ARHGAP44: variants seen among roughly 807,000 people sequenced by gnomAD.
ARHGAP44 encodes Rho GTPase activating protein 44.
In ARHGAP44, 43 loss-of-function variants were observed where a neutral mutation model predicts 106.8. That is an observed-to-expected ratio of 0.40 (90% CI 0.32 to 0.52). ARHGAP44 has a LOEUF of 0.52. Among genes scored for constraint, ARHGAP44 ranks in the 20% least tolerant of loss-of-function variants. The pLI is 0.48. For synonymous variants in ARHGAP44, 439 were observed against 410.3 expected (o/e 1.07, Z -0.85); for missense variants, 866 against 1,050.5 (o/e 0.82, Z 2.43).
chr17:12,877,149 G>C lies in ARHGAP44; in HGVS notation c.54-17791G>C, dbSNP rs532477149. On this transcript the variant is annotated intron_variant, in intron 1 of 20. Coordinates refer to ENST00000379672, the MANE Select transcript of ARHGAP44 (RefSeq NM_014859.6). ...GCTGAAAAAGCAGCAAATGCAGCAG[G>C]AAAACAGTTCTGAAAGAAGAAATTT... Among the ~76,000 whole-genome samples the C allele has an allele frequency of 1.1e-3, 172 of 152,302 alleles. 2 individuals carry two copies. Among genetic ancestry groups the C allele is most frequent in the African/African-American group, 2.8e-3 (118 of 41,566 alleles).
intron 3 of ARHGAP44, among the ~76,000 whole-genome samples, chr17:12,901,343 G>A (rs1488642481): frequency 2.6e-5 from 4 of 152,170 alleles, no homozygotes; most frequent in African/African-American, 7.2e-5. Context: ...GGAGGACATG[G>A]TGAGGGTTTG....
chr17:12,947,811 C>T (rs770178080), intron 10 of ARHGAP44, among the ~76,000 whole-genome samples: 36 of 152,300 alleles, frequency 2.4e-4, no homozygotes, highest in Admixed American at 9.8e-4. Flanking sequence ...CTGTCTTTGT[C>T]GTAGCAGCCT....
At chr17:12,816,530 AC>A (rs1680990077) in intron 1 of ARHGAP44, among the ~76,000 whole-genome samples, 1 of 152,214 alleles carries the variant, frequency 6.6e-6, no homozygotes, top group Non-Finnish European at 1.5e-5. Flanking sequence ...GTTTATGTAA[AC>A]TAAAAAATTA....
chr17:12,977,679 TCAGCTGCA>T (rs979199793), intron 18 of ARHGAP44, among the ~76,000 whole-genome samples: 33 of 152,190 alleles, frequency 2.2e-4, no homozygotes, highest in African/African-American at 7.0e-4. Context: ...CCCCACTGGG[TCAGCTGCA>T]CCTATGCTGG....
rs187666215 is a variant in ARHGAP44 at position 12,873,418 on chromosome 17, A to T, written c.54-21522A>T. Among the ~76,000 whole-genome samples, 578 of 152,328 alleles carry T rather than the reference A, an allele frequency of 3.8e-3. 2 individuals are homozygous for T. The highest frequency in any genetic ancestry group is 7.1e-3 in the Non-Finnish European group (480 of 68,028). ...TTAGGTTTATATACAGCTTAGTGTT[A>T]TATGAAGAGCTTTAGGGAGAAGTCA... On this transcript the variant is annotated intron_variant, in intron 1 of 20. Transcript: ENST00000379672.
chr17:12,796,706 C>T (rs1002065826), intron 1 of ARHGAP44, among the ~76,000 whole-genome samples: 1 of 151,956 alleles, frequency 6.6e-6, no homozygotes, highest in Non-Finnish European at 1.5e-5. Context: ...ATGCCATTCT[C>T]CTGCCTCAGC....
intron 16 of ARHGAP44, among the ~76,000 whole-genome samples, chr17:12,964,661 A>G (rs1400448743): frequency 6.6e-6 from 1 of 152,088 alleles, no homozygotes; most frequent in African/African-American, 2.4e-5. Context: ...GCAGACGCCT[A>G]TAATCCCAGT....
intron 1 of ARHGAP44, among the ~76,000 whole-genome samples, chr17:12,811,646 G>T (rs963806783): frequency 2.0e-5 from 3 of 152,280 alleles, no homozygotes; most frequent in South Asian, 2.1e-4. Flanking sequence ...TTCTTTCCTT[G>T]TTGGGTCTGT....
intron 1 of ARHGAP44, among the ~76,000 whole-genome samples, chr17:12,882,391 A>G (rs1157647577): frequency 6.6e-6 from 1 of 152,164 alleles, no homozygotes; most frequent in African/African-American, 2.4e-5. Flanking sequence ...GTGAACAAAC[A>G]TATAATCTTC....
In ARHGAP44 at chr17:12,981,284, C is replaced by T. The variant is rs961313196; in HGVS notation, c.1939+1051C>T. On this transcript the variant is annotated intron_variant, in intron 19 of 20. Coordinates refer to ENST00000379672, the MANE Select transcript of ARHGAP44 (RefSeq NM_014859.6). ...ACAGGTGGCCCAGCGGAAACGACATCGTGAAGGTTGAATAGGAGTTGGGCC... is the reference window on the plus strand; with the variant it reads ...ACAGGTGGCCCAGCGGAAACGACATTGTGAAGGTTGAATAGGAGTTGGGCC... Among the ~76,000 whole-genome samples, 6 of 152,214 alleles carry T rather than the reference C, an allele frequency of 3.9e-5. No individual in the cohort carries two copies. The East Asian group carries it at 7.7e-4, about 20-fold the overall frequency.
chr17:12,924,995 G>A (rs2038191040), intron 6 of ARHGAP44, among the ~76,000 whole-genome samples: 1 of 152,110 alleles, frequency 6.6e-6, no homozygotes, highest in African/African-American at 2.4e-5. Flanking sequence ...TTAAGAAGTG[G>A]AATTCTGGAG....
At chr17:12,924,517 T>TA (rs1012637663) in intron 6 of ARHGAP44, among the ~76,000 whole-genome samples, 2 of 152,164 alleles carry the variant, frequency 1.3e-5, no homozygotes, top group African/African-American at 4.8e-5. Context: ...CTGGGACACA[T>TA]ACACATTCCA....
chr17:12,964,891 CCT>C (rs1366439131), intron 16 of ARHGAP44, among the ~76,000 whole-genome samples: 1 of 152,198 alleles, frequency 6.6e-6, no homozygotes, highest in African/African-American at 2.4e-5. Flanking sequence ...CCCCTTCTCT[CCT>C]CTCTGTCTCC....
At chr17:12,867,128 A>G (rs1429702649) in intron 1 of ARHGAP44, among the ~76,000 whole-genome samples, 1 of 151,276 alleles carries the variant, frequency 6.6e-6, no homozygotes, top group Non-Finnish European at 1.5e-5. Flanking sequence ...GAGATCTAGT[A>G]TGTTCACCTG....
At position 12,935,106 on chromosome 17, in the gene ARHGAP44, G is replaced by A. The variant is rs369046823; in HGVS notation, c.583-5950G>A. On this transcript the variant is annotated intron_variant, in intron 7 of 20. Coordinates refer to ENST00000379672, the MANE Select transcript of ARHGAP44 (RefSeq NM_014859.6). Reference sequence around the variant, plus strand: ...GAGAAGATTCTATCAGAATAGGCAGGAGGGGCAGGAAAGAGATGCTTACCA... The same window carrying A: ...GAGAAGATTCTATCAGAATAGGCAGAAGGGGCAGGAAAGAGATGCTTACCA... 3.8e-4 allele frequency among the ~76,000 whole-genome samples: 58 copies of A among 152,298 alleles called. 1 individual carries two copies. Among genetic ancestry groups the A allele is most frequent in the African/African-American group, 1.4e-3 (57 of 41,564 alleles).
chr17:12,915,811 A>G, intron 4 of ARHGAP44, 89 bp from the exon 5 acceptor site: 2 of 1,146,174 alleles, frequency 1.7e-6, no homozygotes, highest in Non-Finnish European at 2.5e-6. Context: ...GTGAAAGTTT[A>G]CAAGTGAGCC....
chr17:12,955,910 G>T lies in ARHGAP44; in HGVS notation c.1180G>T (p.Val394Leu). 1 of 1,613,530 alleles carries T rather than the reference G, an allele frequency of 6.2e-7. No homozygotes were observed. The highest frequency in any genetic ancestry group is 1.1e-5 in the South Asian group (1 of 91,036). The change falls in exon 14 of 21, where the codon GTA (valine) becomes TTA (leucine). Residue 394 changes from valine to leucine, a missense_variant. This residue lies in a region of ARHGAP44 where 448 missense variants were observed against 646.9 expected (regional missense o/e 0.69). Coordinates refer to ENST00000379672, the MANE Select transcript of ARHGAP44 (RefSeq NM_014859.6). ...FLSKLSEYQD[V>L]NKMTPSNMAI... ...ATCCAAGCTGTCAGAATATCAAGAT[G>T]TAAACAAGATGACTCCCAGTAATAT...
chr17:12,944,222 GCCCCGGGCAGGTCTCCT>G (rs1567700569), intron 10 of ARHGAP44, 26 bp downstream of exon 10: 1 of 1,568,032 alleles, frequency 6.4e-7, no homozygotes, highest in Non-Finnish European at 8.7e-7. Flanking sequence ...GCCACACGCC[GCCCCGGGCAGGTCTCCT>G]CTTCCACGAG....
chr17:12,789,689 G>C lies in ARHGAP44; in HGVS notation c.-150G>C, dbSNP rs1030871878. 3.8e-6 allele frequency: 2 copies of C among 532,928 alleles called. No individual in the cohort carries two copies. The highest frequency in any genetic ancestry group is 2.0e-5 in the African/African-American group (1 of 50,176). 33.0% of individuals were successfully genotyped at this position (532,928 alleles called of 1,614,324 possible). A position where few individuals can be genotyped will look rare whatever the true frequency, so the allele number is the denominator to read the frequency against. The stretch of plus-strand genomic sequence containing the variant: ...TAGGCGGCGGCGCCCTCGGGAGGGA[G>C]CTGCGCGCGGGCCAGACGGCGCCCG... On this transcript the variant is annotated 5_prime_UTR_variant, in exon 1 of 21. Coordinates refer to ENST00000379672, the MANE Select transcript of ARHGAP44 (RefSeq NM_014859.6).
Sources: gnomAD v4.1 joint callset for allele counts (sites outside exome capture counted in the v4.1 genomes callset) on GRCh38, gnomAD v4.1.1 for gene constraint, gnomAD v4.1.1 regional missense constraint, MANE v1.5 for transcripts, NCBI Gene and HGNC (gene_info 2026-07-23, HGNC 2026-07-21) for gene names.